The following NRCAM variants were observed in gnomAD, a reference collection of about 807,000 sequenced individuals.
The protein encoded by NRCAM is NgCAM-related cell adhesion molecule.
NRCAM carries 83 observed loss-of-function variants against 156.5 expected under a neutral mutation model. The observed-to-expected ratio is 0.53, with a 90% CI of 0.44 to 0.64. NRCAM has a LOEUF of 0.64. NRCAM is among the 30% of genes least tolerant of loss of function. NRCAM has a pLI of 0.00. For missense variants in NRCAM, 1,417 were observed against 1,597.3 expected (o/e 0.89, Z 1.92); for synonymous variants, 538 against 563.9 (o/e 0.95, Z 0.65).
Position 108,287,172 on chromosome 7 carries a change from C to T in NRCAM, c.-107+25493G>A, listed in dbSNP as rs149019676. 1.8e-3 allele frequency among the ~76,000 whole-genome samples: 275 copies of T among 151,978 alleles called. 1 individual carries two copies. Among genetic ancestry groups the T allele is most frequent in the African/African-American group, 6.3e-3 (263 of 41,488 alleles). On this transcript the variant is annotated intron_variant, in intron 3 of 32. Coordinates refer to ENST00000379028, the MANE Select transcript of NRCAM (RefSeq NM_001037132.4). ...TGCTAGAAGAAGATATAAAAATGAACAGCTATAAAAATATATAACAATATA... is the reference window on the plus strand; with the variant it reads ...TGCTAGAAGAAGATATAAAAATGAATAGCTATAAAAATATATAACAATATA...
chr7:108,325,388 T>A (rs1322571179), intron 2 of NRCAM, among the ~76,000 whole-genome samples: 1 of 152,172 alleles, frequency 6.6e-6, no homozygotes, highest in Admixed American at 6.5e-5. Flanking sequence ...CTTTCCTTCA[T>A]CTTGGGCAAC....
At chr7:108,226,461 A>T in intron 8 of NRCAM, 83 bp from the exon 9 acceptor site, 1 of 909,962 alleles carries the variant, frequency 1.1e-6, no homozygotes, top group South Asian at 1.7e-5. Context: ...GTACCTACTA[A>T]TAGGTCTGTG....
chr7:108,450,072 G>A (rs967754591), intron 1 of NRCAM, among the ~76,000 whole-genome samples: 1 of 152,022 alleles, frequency 6.6e-6, no homozygotes, highest in Non-Finnish European at 1.5e-5. Context: ...TTGCCTGACA[G>A]TACCTGTCAT....
At chr7:108,178,502 AAGG>A (rs2061840878) in intron 25 of NRCAM, 2 of 251,274 alleles carry the variant, frequency 8.0e-6, no homozygotes, top group African/African-American at 2.3e-5. Flanking sequence ...CTGGACCATT[AAGG>A]ACTGTTTTCT....
intron 32 of NRCAM, among the ~76,000 whole-genome samples, chr7:108,151,956 A>G (rs1455666767): frequency 6.6e-6 from 1 of 152,144 alleles, no homozygotes; most frequent in African/African-American, 2.4e-5. Flanking sequence ...TGGTCTAGCC[A>G]TCTATCCACC....
chr7:108,236,763 G>A (rs2095060491), intron 5 of NRCAM, among the ~76,000 whole-genome samples: 1 of 151,708 alleles, frequency 6.6e-6, no homozygotes, highest in Non-Finnish European at 1.5e-5. Context: ...GGCTCTGGGA[G>A]TATATAGAAT....
intron 1 of NRCAM, among the ~76,000 whole-genome samples, chr7:108,423,774 G>A (rs1357486984): frequency 6.6e-6 from 1 of 152,246 alleles, no homozygotes; most frequent in African/African-American, 2.4e-5. Context: ...GAACCTGGGT[G>A]ATAACACTCA....
chr7:108,429,088 CTTAA>C (rs1435450671), intron 1 of NRCAM, among the ~76,000 whole-genome samples: 12 of 152,066 alleles, frequency 7.9e-5, no homozygotes, highest in Admixed American at 3.9e-4. Flanking sequence ...TATATATGTC[CTTAA>C]TTGACAACAT....
chr7:108,185,552 C>T (rs1204093407), intron 20 of NRCAM, among the ~76,000 whole-genome samples: 1 of 151,984 alleles, frequency 6.6e-6, no homozygotes, highest in Admixed American at 6.6e-5. Flanking sequence ...CCTAGCAAAA[C>T]CCCGTCTCTA....
chr7:108,290,349 C>T (rs749791372), intron 3 of NRCAM, among the ~76,000 whole-genome samples: 2 of 152,100 alleles, frequency 1.3e-5, no homozygotes, highest in African/African-American at 4.8e-5. Context: ...CGTATTTTCC[C>T]ACTGCTGACC....
At chr7:108,436,754 C>A (rs1832723998) in intron 1 of NRCAM, among the ~76,000 whole-genome samples, 1 of 152,062 alleles carries the variant, frequency 6.6e-6, no homozygotes, top group Admixed American at 6.5e-5. Flanking sequence ...AAATGACAAT[C>A]CAAATAATTT....
chr7:108,263,011 TG>T (rs1003437505), intron 3 of NRCAM, among the ~76,000 whole-genome samples: 98 of 152,320 alleles, frequency 6.4e-4, no homozygotes, highest in African/African-American at 2.2e-3. Flanking sequence ...TCTTCAAGCT[TG>T]ACTTGGGGGA....
chr7:108,401,533 C>T (rs1437391165), intron 1 of NRCAM, among the ~76,000 whole-genome samples: 1 of 152,114 alleles, frequency 6.6e-6, no homozygotes, highest in African/African-American at 2.4e-5. Context: ...AGAGGAAGAT[C>T]CTGTCTCAAA....
chr7:108,170,821 T>C (rs2058042231), intron 28 of NRCAM, among the ~76,000 whole-genome samples: 1 of 151,870 alleles, frequency 6.6e-6, no homozygotes, highest in African/African-American at 2.4e-5. Context: ...AGAACGAGTG[T>C]AGAATAGTGG....
At chr7:108,170,601 C>T (rs770471880) in intron 28 of NRCAM, among the ~76,000 whole-genome samples, 10 of 152,178 alleles carry the variant, frequency 6.6e-5, no homozygotes, top group Admixed American at 6.5e-5. Flanking sequence ...GTTCATCTCA[C>T]ATGTGTTGAT....
At chr7:108,455,185 T>C (rs904019620) in intron 1 of NRCAM, among the ~76,000 whole-genome samples, 1 of 152,104 alleles carries the variant, frequency 6.6e-6, no homozygotes, top group African/African-American at 2.4e-5. Flanking sequence ...ACTCCCTTGC[T>C]CACCCTACTG....
In NRCAM at chr7:108,361,328, T is replaced by C. The variant is rs570553559; in HGVS notation, c.-174+38108A>G. 2.0e-5 allele frequency among the ~76,000 whole-genome samples: 3 copies of C among 152,340 alleles called. No individual in the cohort carries two copies. The East Asian group carries it at 5.8e-4, about 29-fold the overall frequency. ...TGGTTAATTTTATATGTCAGCTTGATTGGGCCATGGAGTGCCCAGATATTT... is the reference window on the plus strand; with the variant it reads ...TGGTTAATTTTATATGTCAGCTTGACTGGGCCATGGAGTGCCCAGATATTT... On this transcript the variant is annotated intron_variant, in intron 2 of 32. Coordinates refer to ENST00000379028, the MANE Select transcript of NRCAM (RefSeq NM_001037132.4).
At chr7:108,236,700 A>G (rs1326524005) in intron 5 of NRCAM, among the ~76,000 whole-genome samples, 1 of 152,178 alleles carries the variant, frequency 6.6e-6, no homozygotes, top group East Asian at 1.9e-4. Flanking sequence ...TTTTAAAATT[A>G]TTATCATAAT....
chr7:108,165,481 A>G (rs1401473631), intron 30 of NRCAM, among the ~76,000 whole-genome samples: 1 of 152,232 alleles, frequency 6.6e-6, no homozygotes, highest in East Asian at 1.9e-4. Context: ...CCAGCTATAT[A>G]TGAAGATAAT....
Sources: allele counts gnomAD v4.1 joint callset (sites outside exome capture counted in the v4.1 genomes callset), GRCh38; gene constraint gnomAD v4.1.1; transcripts MANE v1.5; gene names NCBI Gene and HGNC (gene_info 2026-07-23, HGNC 2026-07-21).